THUMPD2: variants seen among roughly 807,000 people sequenced by gnomAD.
THUMPD2 encodes U6 snRNA (guanine-N(2))-methyltransferase THUMPD2.
In THUMPD2, 56 loss-of-function variants were observed where a neutral mutation model predicts 49.4. The observed-to-expected ratio is 1.13, with a 90% CI of 0.91 to 1.41. THUMPD2 has a LOEUF of 1.41. THUMPD2 is among the 40% of genes most tolerant of loss of function. The probability of loss-of-function intolerance (pLI) is 0.00; values close to 1 mark genes in which losing one functional copy is unlikely to be tolerated. For synonymous variants in THUMPD2, 237 were observed against 205.2 expected (o/e 1.15, Z -1.32); for missense variants, 709 against 594.5 (o/e 1.19, Z -2.00).
rs1323438329 is a variant in THUMPD2 at position 39,736,713 on chromosome 2, C to T, written c.*22G>A. On this transcript the variant is annotated 3_prime_UTR_variant, in exon 10 of 10. Transcript: ENST00000505747. ...ACAGCTAACTTACAAGGGCCTGAAC[C>T]CGGCTGATGGCAGCAAGCCTGCTAC... The T allele has an allele frequency of 3.8e-6, 6 of 1,599,600 alleles. No individual in the cohort carries two copies. Among genetic ancestry groups the T allele is most frequent in the Non-Finnish European group, 5.1e-6 (6 of 1,171,162 alleles).
intron 4 of THUMPD2, 55 bp downstream of exon 4, chr2:39,768,369 A>G: frequency 1.4e-6 from 2 of 1,380,006 alleles, no homozygotes; most frequent in Non-Finnish European, 2.0e-6. Context: ...AATACAGGAC[A>G]CTGTCTTTAA....
intron 8 of THUMPD2, among the ~76,000 whole-genome samples, chr2:39,749,518 T>A (rs1391124377): frequency 6.6e-6 from 1 of 152,260 alleles, no homozygotes; most frequent in African/African-American, 2.4e-5. Context: ...CACAGAGTGA[T>A]ATTTTAAATG....
intron 8 of THUMPD2, among the ~76,000 whole-genome samples, chr2:39,754,324 A>G (rs1211214600): frequency 3.3e-5 from 5 of 152,216 alleles, no homozygotes; most frequent in African/African-American, 1.2e-4. Context: ...GCTTAAAAAT[A>G]AAAGTCACTG....
chr2:39,754,015 A>G (rs1007886825), intron 8 of THUMPD2, among the ~76,000 whole-genome samples: 1 of 152,178 alleles, frequency 6.6e-6, no homozygotes, highest in African/African-American at 2.4e-5. Flanking sequence ...AATCTTTTAG[A>G]AAATGCCCCC....
At chr2:39,773,494 G>A (rs1376571676) in intron 1 of THUMPD2, among the ~76,000 whole-genome samples, 1 of 148,442 alleles carries the variant, frequency 6.7e-6, no homozygotes, top group Non-Finnish European at 1.5e-5. Context: ...ATCAAGGGAA[G>A]CATTTTATCC....
At chr2:39,743,464 T>C (rs1454795610) in intron 9 of THUMPD2, among the ~76,000 whole-genome samples, 2 of 152,226 alleles carry the variant, frequency 1.3e-5, no homozygotes, top group African/African-American at 4.8e-5. Flanking sequence ...GTTTGGATGT[T>C]TGTCCCCCTA....
chr2:39,752,661 G>C (rs1463659799), intron 8 of THUMPD2, among the ~76,000 whole-genome samples: 1 of 152,056 alleles, frequency 6.6e-6, no homozygotes, highest in African/African-American at 2.4e-5. Flanking sequence ...ACCTAAAACA[G>C]ATGTTTTATT....
intron 9 of THUMPD2, among the ~76,000 whole-genome samples, chr2:39,739,679 T>A (rs1673645968): frequency 6.6e-6 from 1 of 152,088 alleles, no homozygotes; most frequent in Non-Finnish European, 1.5e-5. Context: ...GGGGAAGGGA[T>A]AAATGAATCT....
At chr2:39,763,971 C>A (rs1288260260) in intron 5 of THUMPD2, among the ~76,000 whole-genome samples, 1 of 152,196 alleles carries the variant, frequency 6.6e-6, no homozygotes, top group Non-Finnish European at 1.5e-5. Flanking sequence ...AAACTACCTG[C>A]CATCCTCCAT....
intron 7 of THUMPD2, 50 bp from the exon 8 acceptor site, chr2:39,755,459 A>G: frequency 8.0e-7 from 1 of 1,253,982 alleles, no homozygotes; most frequent in Non-Finnish European, 1.1e-6. Flanking sequence ...TACATATTTC[A>G]TGTAGTTAAG....
At chr2:39,763,362 A>G (rs1677079268) in intron 5 of THUMPD2, among the ~76,000 whole-genome samples, 1 of 152,112 alleles carries the variant, frequency 6.6e-6, no homozygotes, top group South Asian at 2.1e-4. Flanking sequence ...TCATATATTG[A>G]TACATTTCTT....
chr2:39,774,456 T>C (rs923167865), intron 1 of THUMPD2, among the ~76,000 whole-genome samples: 1 of 152,198 alleles, frequency 6.6e-6, no homozygotes, highest in Non-Finnish European at 1.5e-5. Context: ...TAATTATACA[T>C]CCTTTTGCTT....
At chr2:39,741,423 T>C (rs1447867699) in intron 9 of THUMPD2, among the ~76,000 whole-genome samples, 2 of 152,188 alleles carry the variant, frequency 1.3e-5, no homozygotes, top group African/African-American at 2.4e-5. Context: ...TTCAATTCTG[T>C]CTTCACTTCC....
chr2:39,759,372 T>TA (rs750682360), intron 6 of THUMPD2, among the ~76,000 whole-genome samples: 4 of 152,194 alleles, frequency 2.6e-5, no homozygotes, highest in Non-Finnish European at 4.4e-5. Flanking sequence ...AGCTAATACT[T>TA]AGACACTTTC....
intron 9 of THUMPD2, among the ~76,000 whole-genome samples, chr2:39,742,256 C>G (rs1396931864): frequency 6.6e-6 from 1 of 152,182 alleles, no homozygotes; most frequent in Non-Finnish European, 1.5e-5. Context: ...AGCTTGGTCA[C>G]AGAAGGAAAA....
Position 39,755,971 on chromosome 2 carries a change from A to G in THUMPD2, c.892-11T>C. The G allele has an allele frequency of 6.2e-7, 1 of 1,612,980 alleles. No homozygotes were observed. The highest frequency in any genetic ancestry group is 1.7e-5 in the Admixed American group (1 of 59,984). ...AACAAATGCACCAGCCTGCAGACAGAAATATTAATTTGGTATTATTAAGAC... is the reference window on the plus strand; with the variant it reads ...AACAAATGCACCAGCCTGCAGACAGGAATATTAATTTGGTATTATTAAGAC... On this transcript the variant is annotated splice_polypyrimidine_tract_variant and intron_variant, in intron 6 of 9. Transcript: ENST00000505747.
intron 5 of THUMPD2, among the ~76,000 whole-genome samples, chr2:39,763,656 T>C (rs1461524655): frequency 6.6e-6 from 1 of 152,108 alleles, no homozygotes; most frequent in Admixed American, 6.5e-5. Flanking sequence ...CCTTCTCTCT[T>C]TTTATTTCCC....
chr2:39,777,049 G>A (rs570686752), intron 1 of THUMPD2, among the ~76,000 whole-genome samples: 39 of 152,212 alleles, frequency 2.6e-4, no homozygotes, highest in African/African-American at 8.9e-4. Flanking sequence ...TCCTTGATGC[G>A]ATCCAAAGTT....
chr2:39,768,209 C>A (rs1187936774), intron 4 of THUMPD2, among the ~76,000 whole-genome samples: 1 of 151,996 alleles, frequency 6.6e-6, no homozygotes, highest in Non-Finnish European at 1.5e-5. Context: ...TCCAAAAAAT[C>A]TTTTTTTGGA....
Sources: allele counts gnomAD v4.1 joint callset (sites outside exome capture counted in the v4.1 genomes callset), GRCh38; gene constraint gnomAD v4.1.1; transcripts MANE v1.5; gene names NCBI Gene and HGNC (gene_info 2026-07-23, HGNC 2026-07-21).